Variants in ACTG2 observed in about 807,000 individuals in gnomAD.
ACTG2 encodes actin gamma 2, smooth muscle.
ACTG2 carries 16 observed loss-of-function variants against 37.6 expected under a neutral mutation model. The observed-to-expected ratio is 0.43, with a 90% CI of 0.29 to 0.65. The LOEUF is 0.65. ACTG2 is among the 30% of genes least tolerant of loss of function. The pLI, the probability that ACTG2 is intolerant of heterozygous loss-of-function variation, is 0.18. For synonymous variants in ACTG2, 181 were observed against 179.9 expected (o/e 1.01, Z -0.05); for missense variants, 238 against 490.9 (o/e 0.48, Z 4.87).
chr2:73,913,092 G>A (rs370136765), intron 5 of ACTG2, among the ~76,000 whole-genome samples: 19 of 147,110 alleles, frequency 1.3e-4, no homozygotes, highest in Admixed American at 1.1e-3. Context: ...TCACTTGAAC[G>A]TAGGAGACAG....
intron 3 of ACTG2, among the ~76,000 whole-genome samples, chr2:73,904,789 A>G (rs1190584453): frequency 3.1e-4 from 27 of 87,574 alleles, no homozygotes; most frequent in South Asian, 8.9e-4. Flanking sequence ...ATATATATAT[A>G]TATATATATA....
intron 3 of ACTG2, chr2:73,908,362 T>A: frequency 2.0e-6 from 1 of 504,080 alleles, no homozygotes; most frequent in South Asian, 1.5e-5. Flanking sequence ...AGTGATACAA[T>A]GTGCCTTGCA....
chr2:73,919,408 A>T (rs766478533), intron 8 of ACTG2, 24 bp from the exon 9 acceptor site: 2 of 1,610,938 alleles, frequency 1.2e-6, no homozygotes, highest in East Asian at 4.5e-5. Context: ...ACTGATCATG[A>T]TTCACCACAT....
At chr2:73,906,743 G>C in intron 3 of ACTG2, among the ~76,000 whole-genome samples, 1 of 152,086 alleles carries the variant, frequency 6.6e-6, no homozygotes. Context: ...TCCCCAAAGT[G>C]CTGGGATTAC....
At chr2:73,896,176 A>C (rs761588653) in intron 1 of ACTG2, among the ~76,000 whole-genome samples, 40 of 152,046 alleles carry the variant, frequency 2.6e-4, no homozygotes, top group Non-Finnish European at 4.7e-4. Context: ...TCAACAAAAA[A>C]AATTTTTTTT....
At chr2:73,900,256 G>A (rs756766571) in intron 1 of ACTG2, among the ~76,000 whole-genome samples, 18 of 152,250 alleles carry the variant, frequency 1.2e-4, no homozygotes, top group East Asian at 1.9e-4. Context: ...CTTCTGCCCC[G>A]CCCCACTGGG....
At chr2:73,904,484 A>T (rs1005274126) in intron 3 of ACTG2, among the ~76,000 whole-genome samples, 6 of 151,462 alleles carry the variant, frequency 4.0e-5, no homozygotes, top group Non-Finnish European at 8.8e-5. Context: ...CAACATGGTG[A>T]AATCCTGTCT....
chr2:73,917,758 G>A (rs1469590491), intron 8 of ACTG2, among the ~76,000 whole-genome samples: 1 of 152,150 alleles, frequency 6.6e-6, no homozygotes, highest in East Asian at 1.9e-4. Flanking sequence ...CAGAGAAATG[G>A]AGCAAACCAG....
chr2:73,902,534 A>G (rs1679914932), intron 3 of ACTG2, 46 bp downstream of exon 3: 4 of 1,611,208 alleles, frequency 2.5e-6, no homozygotes, highest in Non-Finnish European at 3.4e-6. Flanking sequence ...ATGATCACCC[A>G]TCATCATGAC....
chr2:73,902,398 G>A lies in ACTG2; in HGVS notation c.165G>A (p.Val55=). 6.2e-7 allele frequency: 1 copy of A among 1,613,928 alleles called. No homozygotes were observed. The highest frequency in any genetic ancestry group is 1.1e-5 in the South Asian group (1 of 91,046). ...GAATGGGCCAGAAAGACAGCTATGT[G>A]GGGGATGAGGCTCAGAGCAAGCGAG... ...MVGMGQKDSY[V]GDEAQSKRGI... The change falls in exon 3 of 9, where the codon GTG becomes GTA. Residue 55 remains valine (V), a synonymous_variant. Coordinates refer to ENST00000345517, the MANE Select transcript of ACTG2 (RefSeq NM_001615.4).
At chr2:73,901,513 T>C (rs1015568316) in intron 2 of ACTG2, 76 bp downstream of exon 2, 1 of 1,377,226 alleles carries the variant, frequency 7.3e-7, no homozygotes. Flanking sequence ...CCTGCTGAGC[T>C]GGGGGTTAGG....
At chr2:73,893,318 T>C (rs553887555) in intron 1 of ACTG2, among the ~76,000 whole-genome samples, 21 of 152,346 alleles carry the variant, frequency 1.4e-4, no homozygotes, top group African/African-American at 4.6e-4. Flanking sequence ...GCCTGCAGTC[T>C]CTACTAGCCC....
intron 5 of ACTG2, among the ~76,000 whole-genome samples, chr2:73,910,372 T>C (rs973705211): frequency 7.4e-6 from 1 of 134,704 alleles, no homozygotes. Flanking sequence ...CGACTTTTTT[T>C]TTTTTTTTTT....
chr2:73,919,271 G>A (rs1174844714), intron 8 of ACTG2, among the ~76,000 whole-genome samples, 161 bp from the exon 9 acceptor site: 1 of 152,192 alleles, frequency 6.6e-6, no homozygotes, highest in Non-Finnish European at 1.5e-5. Context: ...AAGGGAAGAG[G>A]GGGGAAGTGA....
At chr2:73,915,912 A>C (rs949062244) in intron 7 of ACTG2, among the ~76,000 whole-genome samples, 3 of 152,102 alleles carry the variant, frequency 2.0e-5, no homozygotes, top group Non-Finnish European at 4.4e-5. Context: ...AGTGACCGCT[A>C]TTAGGTATGG....
In ACTG2 at chr2:73,914,551, T is replaced by C. The variant is rs1037057580; in HGVS notation, c.614-129T>C. 7.2e-6 allele frequency: 5 copies of C among 698,886 alleles called. No homozygotes were observed. The African/African-American group carries it at 8.8e-5, about 12-fold the overall frequency. 43.3% of individuals were successfully genotyped at this position (698,886 alleles called of 1,614,324 possible). ...TTCAGTCTGGGTGACAGAGTGAGAC[T>C]CTGTCTCAAAAAAAAAAAAAAAAAA... On this transcript the variant is annotated intron_variant, in intron 6 of 8. Coordinates refer to ENST00000345517, the MANE Select transcript of ACTG2 (RefSeq NM_001615.4).
intron 3 of ACTG2, among the ~76,000 whole-genome samples, chr2:73,903,887 C>T (rs1031427958): frequency 1.6e-4 from 23 of 140,330 alleles, no homozygotes; most frequent in Non-Finnish European, 3.0e-4. Context: ...TTGCAGTGAG[C>T]CGAGATTGTG....
intron 5 of ACTG2, among the ~76,000 whole-genome samples, chr2:73,909,648 A>G (rs534353521): frequency 6.6e-6 from 1 of 152,314 alleles, no homozygotes; most frequent in Non-Finnish European, 1.5e-5. Flanking sequence ...GCATTTAACT[A>G]TAATTAATAC....
At chr2:73,908,290 C>A in intron 3 of ACTG2, 1 of 472,344 alleles carries the variant, frequency 2.1e-6, no homozygotes, top group Non-Finnish European at 4.4e-6. Flanking sequence ...TACTTTCCAG[C>A]CTCTTGCAGG....
Sources: gnomAD v4.1 joint callset for allele counts (sites outside exome capture counted in the v4.1 genomes callset) on GRCh38, gnomAD v4.1.1 for gene constraint, MANE v1.5 for transcripts, NCBI Gene and HGNC (gene_info 2026-07-23, HGNC 2026-07-21) for gene names.